The following TLCD4 variants were observed in gnomAD, a reference collection of about 807,000 sequenced individuals.
The protein encoded by TLCD4 is TLC domain-containing protein 4.
Under a neutral mutation model 24.2 loss-of-function variants are expected in TLCD4, and 7 were observed. That is an observed-to-expected ratio of 0.29 (90% CI 0.16 to 0.54). The LOEUF is 0.54. Ranked by LOEUF, TLCD4 falls within the 20% of genes least tolerant of loss-of-function variation. TLCD4 has a pLI of 0.95. For missense variants in TLCD4, 259 were observed against 313.9 expected, an observed-to-expected ratio of 0.82 and a Z score of 1.32; for synonymous variants, 103 against 106.4, an observed-to-expected ratio of 0.97 and a Z score of 0.20.
At chr1:95,146,150 A>C (rs1364748420) in intron 2 of TLCD4, among the ~76,000 whole-genome samples, 1 of 151,998 alleles carries the variant, frequency 6.6e-6, no homozygotes, top group Non-Finnish European at 1.5e-5. Flanking sequence ...GAGTGGTCTG[A>C]GCCATCTAGT....
At chr1:95,101,087 T>C in the TLCD4 span, among the ~76,000 whole-genome samples, 4 of 151,918 alleles carry the variant, frequency 2.6e-5, no homozygotes, top group Admixed American at 2.6e-4. Context: ...TTTGTATTTT[T>C]AGTAGAGATG....
intron 1 of TLCD4, among the ~76,000 whole-genome samples, chr1:95,124,368 A>G (rs1676654225): frequency 6.6e-6 from 1 of 152,214 alleles, no homozygotes; most frequent in Non-Finnish European, 1.5e-5. Flanking sequence ...ACCAAATCAG[A>G]GAAGCACACC....
At chr1:95,137,008 G>A (rs1193232079) in intron 1 of TLCD4, among the ~76,000 whole-genome samples, 8 of 152,124 alleles carry the variant, frequency 5.3e-5, no homozygotes, top group South Asian at 2.1e-4. Flanking sequence ...GGTACATGGC[G>A]GGTGGTGAAA....
rs192422054 is a variant in TLCD4 at position 95,137,823 on chromosome 1, A to C, written c.-11-6068A>C. 2.4e-4 allele frequency among the ~76,000 whole-genome samples: 36 copies of C among 151,256 alleles called. No individual in the cohort carries two copies. In the East Asian group the frequency reaches 6.9e-3, roughly 29 times the overall value. ...ACAATCATAACTCACTGTAGCCTCC[A>C]TCTCCTGGGCTCAAGTGATCCTCCC... On this transcript the variant is annotated intron_variant, in intron 1 of 6. Coordinates refer to ENST00000370203, the MANE Select transcript of TLCD4 (RefSeq NM_152487.3).
chr1:95,190,469 C>T (rs1010660115), intron 6 of TLCD4, among the ~76,000 whole-genome samples: 1 of 152,114 alleles, frequency 6.6e-6, no homozygotes, highest in African/African-American at 2.4e-5. Flanking sequence ...GCTGGGATTA[C>T]AGGTGCCCGC....
At chr1:95,129,370 A>G (rs1460119182) in intron 1 of TLCD4, among the ~76,000 whole-genome samples, 1 of 152,224 alleles carries the variant, frequency 6.6e-6, no homozygotes, top group Admixed American at 6.5e-5. Context: ...GTCGACAGGG[A>G]GGAACCATAG....
intron 1 of TLCD4, among the ~76,000 whole-genome samples, chr1:95,131,127 A>G (rs7365394): frequency 0.98 from 149,594 of 152,300 alleles, 73,523 homozygotes; most frequent in East Asian, 1. Flanking sequence ...TTAATGGTGA[A>G]GGGAAAAATG....
chr1:95,132,124 A>T (rs1676913239), intron 1 of TLCD4, among the ~76,000 whole-genome samples: 1 of 152,176 alleles, frequency 6.6e-6, no homozygotes, highest in Non-Finnish European at 1.5e-5. Context: ...CAACTTGCAG[A>T]ATTGTGAGCT....
chr1:95,106,763 C>T, the TLCD4 span, among the ~76,000 whole-genome samples: 5 of 152,060 alleles, frequency 3.3e-5, no homozygotes, highest in Non-Finnish European at 4.4e-5. Flanking sequence ...CAAAGTATAA[C>T]AAAAATATTT....
intron 2 of TLCD4, among the ~76,000 whole-genome samples, chr1:95,147,262 T>C (rs1440627053): frequency 1.3e-5 from 2 of 151,964 alleles, no homozygotes; most frequent in Non-Finnish European, 2.9e-5. Context: ...TTGGTAGAGA[T>C]GGAATTTCAC....
intron 1 of TLCD4, among the ~76,000 whole-genome samples, chr1:95,133,189 A>G (rs1487520531): frequency 3.9e-5 from 6 of 152,170 alleles, no homozygotes; most frequent in African/African-American, 1.2e-4. Flanking sequence ...TTAAGAGCCA[A>G]TAGACCCTGG....
At chr1:95,135,248 G>T (rs962682673) in intron 1 of TLCD4, among the ~76,000 whole-genome samples, 13 of 152,250 alleles carry the variant, frequency 8.5e-5, no homozygotes, top group South Asian at 8.3e-4. Flanking sequence ...CCTGCCTTCT[G>T]CAGACAACCC....
Position 95,192,187 on chromosome 1 carries a change from TA to T in TLCD4, c.*320del, listed in dbSNP as rs1679049417. 1 of 234,910 alleles carries T rather than the reference TA, an allele frequency of 4.3e-6. No individual in the cohort carries two copies. Among genetic ancestry groups the T allele is most frequent in the Non-Finnish European group, 8.0e-6 (1 of 125,118 alleles). The allele number at this position is 234,910 out of a possible 1,614,324, so 14.6% of individuals were successfully genotyped here. On this transcript the variant is annotated 3_prime_UTR_variant, in exon 7 of 7. Coordinates refer to ENST00000370203, the MANE Select transcript of TLCD4 (RefSeq NM_152487.3). ...GGTGGTTGGCGCCTGTAATCCCAGC[TA>T]CTCGGGAGGCTGAGGCAGGAGAATC...
intron 2 of TLCD4, 97 bp from the exon 3 acceptor site, chr1:95,148,605 T>C: frequency 6.6e-7 from 1 of 1,522,322 alleles, no homozygotes; most frequent in East Asian, 2.3e-5. Context: ...TATAAATGCT[T>C]CCAGGTATAA....
chr1:95,130,767 G>T (rs1676868541), intron 1 of TLCD4, among the ~76,000 whole-genome samples: 1 of 152,156 alleles, frequency 6.6e-6, no homozygotes, highest in Non-Finnish European at 1.5e-5. Context: ...CAGTTGATAA[G>T]AATGTTAAAG....
chr1:95,157,311 T>C (rs1184471199), intron 5 of TLCD4, among the ~76,000 whole-genome samples: 4 of 152,190 alleles, frequency 2.6e-5, no homozygotes, highest in Admixed American at 1.3e-4. Flanking sequence ...TATAAATATA[T>C]AATATGTATA....
At chr1:95,176,280 C>G (rs908448892) in intron 6 of TLCD4, among the ~76,000 whole-genome samples, 3 of 152,034 alleles carry the variant, frequency 2.0e-5, no homozygotes, top group Non-Finnish European at 4.4e-5. Flanking sequence ...CAACCTCTAC[C>G]TCCTGGGTTC....
chr1:95,135,552 C>T (rs905672615), intron 1 of TLCD4, among the ~76,000 whole-genome samples: 1 of 152,076 alleles, frequency 6.6e-6, no homozygotes, highest in African/African-American at 2.4e-5. Context: ...CGCATACCAC[C>T]ACGCCCGGCT....
the TLCD4 span, among the ~76,000 whole-genome samples, chr1:95,092,519 A>G: frequency 6.6e-6 from 1 of 152,138 alleles, no homozygotes; most frequent in African/African-American, 2.4e-5. Context: ...CACACTGTGG[A>G]AGCTTTGTTC....
Sources: allele counts gnomAD v4.1 joint callset (sites outside exome capture counted in the v4.1 genomes callset), GRCh38; gene constraint gnomAD v4.1.1; transcripts MANE v1.5; gene names NCBI Gene and HGNC (gene_info 2026-07-23, HGNC 2026-07-21).